The following TLK1 variants were observed in gnomAD, a reference collection of about 807,000 sequenced individuals.
TLK1 encodes the protein serine/threonine-protein kinase tousled-like 1.
TLK1 carries 24 observed loss-of-function variants against 105.3 expected under a neutral mutation model. The observed-to-expected ratio is 0.23, with a 90% CI of 0.17 to 0.32. TLK1 has a LOEUF of 0.32. TLK1 is among the 10% of genes least tolerant of loss of function. TLK1 has a pLI of 1.00. For synonymous variants in TLK1, 321 were observed against 310.4 expected (o/e 1.03, Z -0.36); for missense variants, 558 against 910.5 (o/e 0.61, Z 4.98).
Position 171,217,016 on chromosome 2 carries a change from C to T in TLK1, c.-6+14129G>A, listed in dbSNP as rs377422951. Among the ~76,000 whole-genome samples the T allele has an allele frequency of 7.9e-5, 12 of 152,282 alleles. No individual in the cohort carries two copies. The South Asian group carries it at 1.0e-3, about 13-fold the overall frequency. On this transcript the variant is annotated intron_variant, in intron 1 of 20. Coordinates refer to the TLK1 transcript ENST00000521943. The stretch of plus-strand genomic sequence containing the variant: ...CCACTCAGTGTGTAGCACTTTTTTA[C>T]GGCAGCCCTAGGAAACTGATACCAA...
chr2:171,149,394 G>A (rs1373301050), intron 1 of TLK1, among the ~76,000 whole-genome samples: 1 of 152,032 alleles, frequency 6.6e-6, no homozygotes, highest in Admixed American at 6.6e-5. Flanking sequence ...GCATTGAGAG[G>A]TTAAGTAACT....
chr2:171,114,847 AAAG>A lies in TLK1; in HGVS notation c.258+2889_258+2891del, dbSNP rs145144576. On this transcript the variant is annotated intron_variant, in intron 2 of 20. Coordinates refer to ENST00000431350, the MANE Select transcript of TLK1 (RefSeq NM_012290.5). ...GAGATCCTGTCTCAGAGGGAAAAAAAAAGAAGAAGAAAGAAACTAAAAAAGGCA... is the reference window on the plus strand; with the variant it reads ...GAGATCCTGTCTCAGAGGGAAAAAAAAAGAAGAAAGAAACTAAAAAAGGCA... Among the ~76,000 whole-genome samples the A allele has an allele frequency of 8.9e-3, 1,357 of 152,190 alleles. 15 individuals carry two copies. Among genetic ancestry groups the A allele is most frequent in the African/African-American group, 0.018 (754 of 41,512 alleles).
At chr2:171,085,666 G>A (rs902277762) in intron 2 of TLK1, among the ~76,000 whole-genome samples, 1 of 151,964 alleles carries the variant, frequency 6.6e-6, no homozygotes, top group African/African-American at 2.4e-5. Context: ...ATAGATAAAC[G>A]GTTACCAAAA....
At chr2:171,070,879 A>C (rs1688221495) in intron 3 of TLK1, among the ~76,000 whole-genome samples, 1 of 152,162 alleles carries the variant, frequency 6.6e-6, no homozygotes, top group Non-Finnish European at 1.5e-5. Flanking sequence ...ACTAATCTTC[A>C]CTTCTACCAA....
Position 171,213,455 on chromosome 2 carries a change from G to A in TLK1, c.-6+17690C>T, listed in dbSNP as rs561409546. Among the ~76,000 whole-genome samples the A allele has an allele frequency of 3.3e-5, 5 of 151,412 alleles. No individual in the cohort carries two copies. The East Asian group carries it at 9.8e-4, about 30-fold the overall frequency. ...TGGGCTCAAGCAGTCCTCTCACCTC[G>A]ACCTCCCAAAGTGCCAGGATTACAG... On this transcript the variant is annotated intron_variant, in intron 1 of 20. Transcript: ENST00000521943.
intron 4 of TLK1, chr2:171,059,830 C>A: frequency 1.3e-6 from 1 of 765,076 alleles, no homozygotes; most frequent in Non-Finnish European, 2.4e-6. Flanking sequence ...GTGCAGTTCA[C>A]AATAAGGTTC....
At chr2:171,093,619 A>T (rs529280567) in intron 2 of TLK1, among the ~76,000 whole-genome samples, 1 of 152,240 alleles carries the variant, frequency 6.6e-6, no homozygotes, top group South Asian at 2.1e-4. Flanking sequence ...GAAAAATGTC[A>T]GGTAATTTGA....
At chr2:171,188,806 T>G (rs1245135195) in intron 1 of TLK1, among the ~76,000 whole-genome samples, 3 of 140,446 alleles carry the variant, frequency 2.1e-5, no homozygotes, top group East Asian at 2.1e-4. Context: ...CCCAGGGAGG[T>G]GGAGGTTGCA....
At chr2:171,230,648 T>C (rs940191071) in intron 1 of TLK1, among the ~76,000 whole-genome samples, 1 of 152,204 alleles carries the variant, frequency 6.6e-6, no homozygotes. Flanking sequence ...GTTCAACAGC[T>C]GTACAATTAA....
intron 14 of TLK1, among the ~76,000 whole-genome samples, chr2:171,007,624 T>C (rs542827365): frequency 1.3e-5 from 2 of 152,182 alleles, no homozygotes; most frequent in South Asian, 4.1e-4. Flanking sequence ...TTTCAAAAAT[T>C]ACCAATATGT....
At chr2:171,164,140 C>T (rs1212285287), upstream of TLK1, among the ~76,000 whole-genome samples, 1 of 152,064 alleles carries the variant, frequency 6.6e-6, no homozygotes, top group Non-Finnish European at 1.5e-5. Context: ...TGGATACTTC[C>T]TTAGAAGGAC....
intron 2 of TLK1, among the ~76,000 whole-genome samples, chr2:171,090,279 C>T (rs1689169517): frequency 6.6e-6 from 1 of 152,040 alleles, no homozygotes. Flanking sequence ...CTACTTTCTA[C>T]TTATTTGTTG....
intron 1 of TLK1, among the ~76,000 whole-genome samples, chr2:171,211,132 A>G (rs1192878853): frequency 6.6e-6 from 1 of 152,148 alleles, no homozygotes; most frequent in Non-Finnish European, 1.5e-5. Flanking sequence ...ACTAAAAAGC[A>G]CTCTGAAGAC....
At chr2:171,060,039 C>A (rs1175129382) in intron 4 of TLK1, 1 of 1,605,204 alleles carries the variant, frequency 6.2e-7, no homozygotes, top group Non-Finnish European at 8.5e-7. Flanking sequence ...AAGTTTACTC[C>A]AAAGGAAGGG....
intron 1 of TLK1, among the ~76,000 whole-genome samples, chr2:171,185,554 A>ATGC (rs1693011210): frequency 6.6e-6 from 1 of 152,192 alleles, no homozygotes; most frequent in South Asian, 2.1e-4. Context: ...ATCTTTGGAT[A>ATGC]TGCTGCTGCT....
chr2:171,156,457 T>C (rs569274006), intron 1 of TLK1, among the ~76,000 whole-genome samples: 1 of 152,378 alleles, frequency 6.6e-6, no homozygotes, highest in South Asian at 2.1e-4. Flanking sequence ...CCTAAATCTC[T>C]TGGGGTCCTC....
At chr2:171,101,740 T>C (rs1267874087) in intron 2 of TLK1, among the ~76,000 whole-genome samples, 1 of 152,208 alleles carries the variant, frequency 6.6e-6, no homozygotes, top group African/African-American at 2.4e-5. Flanking sequence ...CAAACACTCA[T>C]ATAGTATGTT....
chr2:171,078,813 G>T (rs1575579921), intron 3 of TLK1, among the ~76,000 whole-genome samples: 2 of 152,282 alleles, frequency 1.3e-5, no homozygotes, highest in South Asian at 2.1e-4. Context: ...TATAAAGAAG[G>T]CTGTATTCCT....
intron 1 of TLK1, among the ~76,000 whole-genome samples, chr2:171,177,572 C>T (rs773435300): frequency 2.0e-5 from 3 of 152,116 alleles, no homozygotes; most frequent in Non-Finnish European, 2.9e-5. Flanking sequence ...GAAAGAGAAA[C>T]CAAATTAGGA....
Sources: gnomAD v4.1 joint callset for allele counts (sites outside exome capture counted in the v4.1 genomes callset) on GRCh38, gnomAD v4.1.1 for gene constraint, MANE v1.5 for transcripts, NCBI Gene and HGNC (gene_info 2026-07-23, HGNC 2026-07-21) for gene names.